The following TMEM132D variants were observed in gnomAD, a reference collection of about 807,000 sequenced individuals.
The protein encoded by TMEM132D is transmembrane protein 132D.
TMEM132D carries 21 observed loss-of-function variants against 62.3 expected under a neutral mutation model. That is an observed-to-expected ratio of 0.34 (90% CI 0.24 to 0.49). TMEM132D has a LOEUF of 0.49. Ranked by LOEUF, TMEM132D falls within the 20% of genes least tolerant of loss-of-function variation. TMEM132D has a pLI of 0.99. For synonymous variants in TMEM132D, 621 were observed against 575.6 expected, an observed-to-expected ratio of 1.08 and a Z score of -1.13; for missense variants, 1,346 against 1,402.8, an observed-to-expected ratio of 0.96 and a Z score of 0.65.
At chr12:129,433,899 ACAGT>A (rs1250165136) in intron 3 of TMEM132D, among the ~76,000 whole-genome samples, 9 of 152,206 alleles carry the variant, frequency 5.9e-5, no homozygotes, top group African/African-American at 9.6e-5. Context: ...AACCAAACTG[ACAGT>A]CAGAGTCTGG....
chr12:129,605,380 T>C (rs1593085350), intron 2 of TMEM132D, among the ~76,000 whole-genome samples: 2 of 151,938 alleles, frequency 1.3e-5, no homozygotes, highest in Admixed American at 6.6e-5. Flanking sequence ...AGAACACCCA[T>C]GCACCCTACT....
At position 129,466,279 on chromosome 12, in the gene TMEM132D, C is replaced by CTGTT. The variant is rs1566078686; in HGVS notation, c.1115+64779_1115+64780insAACA. 7.0e-5 allele frequency among the ~76,000 whole-genome samples: 7 copies of CTGTT among 100,388 alleles called. 1 individual carries two copies. Among genetic ancestry groups the CTGTT allele is most frequent in the African/African-American group, 1.1e-4 (3 of 26,252 alleles). 65.9% of individuals were successfully genotyped at this position (100,388 alleles called of 152,430 possible). A position where few individuals can be genotyped will look rare whatever the true frequency, so the allele number is the denominator to read the frequency against. On this transcript the variant is annotated intron_variant, in intron 3 of 8. Transcript: ENST00000422113. ...TATAACAGTGGCTGGTAGATTTTTC[C>CTGTT]TTTTTTTTTTTTTTTTTTTTTTTTT...
At chr12:129,429,460 C>T (rs1449400047) in intron 3 of TMEM132D, among the ~76,000 whole-genome samples, 1 of 151,964 alleles carries the variant, frequency 6.6e-6, no homozygotes, top group Non-Finnish European at 1.5e-5. Flanking sequence ...AAGAAGAGGC[C>T]CCCCCAGGGA....
At chr12:129,124,655 C>G (rs1876159680) in intron 5 of TMEM132D, among the ~76,000 whole-genome samples, 2 of 152,188 alleles carry the variant, frequency 1.3e-5, no homozygotes, top group African/African-American at 4.8e-5. Flanking sequence ...GTAGTTCACT[C>G]TTCTGTGTTG....
At chr12:129,287,756 T>C (rs1881342174) in intron 4 of TMEM132D, among the ~76,000 whole-genome samples, 1 of 152,142 alleles carries the variant, frequency 6.6e-6, no homozygotes, top group Non-Finnish European at 1.5e-5. Flanking sequence ...AGGTTGATCT[T>C]TTGTGTGTGG....
chr12:129,131,822 T>C, intron 5 of TMEM132D, among the ~76,000 whole-genome samples: 1 of 152,160 alleles, frequency 6.6e-6, no homozygotes, highest in East Asian at 1.9e-4. Context: ...GTCAAATAAT[T>C]AAATTCCCAC....
chr12:129,676,707 C>T (rs771495582), intron 2 of TMEM132D, among the ~76,000 whole-genome samples: 1 of 152,198 alleles, frequency 6.6e-6, no homozygotes, highest in Non-Finnish European at 1.5e-5. Flanking sequence ...TCCCTCTAGG[C>T]CCCACCTCCA....
chr12:129,632,185 C>T (rs1195990613), intron 2 of TMEM132D, among the ~76,000 whole-genome samples: 1 of 152,012 alleles, frequency 6.6e-6, no homozygotes, highest in Non-Finnish European at 1.5e-5. Context: ...TTAGGAAATG[C>T]TTATATGTAA....
At chr12:129,520,207 G>T (rs982988173) in intron 3 of TMEM132D, among the ~76,000 whole-genome samples, 1 of 152,118 alleles carries the variant, frequency 6.6e-6, no homozygotes, top group African/African-American at 2.4e-5. Flanking sequence ...CCAACTGTGC[G>T]TTTAGCTGGA....
At chr12:129,895,614 G>A (rs1875081927) in intron 1 of TMEM132D, among the ~76,000 whole-genome samples, 1 of 152,188 alleles carries the variant, frequency 6.6e-6, no homozygotes, top group African/African-American at 2.4e-5. Flanking sequence ...CGGGCATGCT[G>A]CCTGGTCACC....
intron 3 of TMEM132D, among the ~76,000 whole-genome samples, chr12:129,355,327 T>C (rs778167225): frequency 6.6e-6 from 1 of 151,700 alleles, no homozygotes; most frequent in African/African-American, 2.4e-5. Context: ...CATAGTAGGA[T>C]AGGTCCTTAA....
chr12:129,623,219 C>T (rs1879120383), intron 2 of TMEM132D, among the ~76,000 whole-genome samples: 1 of 152,208 alleles, frequency 6.6e-6, no homozygotes, highest in African/African-American at 2.4e-5. Context: ...ACCTTAACTA[C>T]ACATTTTATT....
At chr12:129,701,696 A>C (rs966233170) in intron 1 of TMEM132D, among the ~76,000 whole-genome samples, 2 of 152,212 alleles carry the variant, frequency 1.3e-5, no homozygotes, top group Admixed American at 1.3e-4. Flanking sequence ...CCAAAGAACC[A>C]ATTTAAGGAG....
intron 1 of TMEM132D, among the ~76,000 whole-genome samples, chr12:129,895,422 C>G (rs527447110): frequency 6.6e-6 from 1 of 152,204 alleles, no homozygotes; most frequent in Non-Finnish European, 1.5e-5. Context: ...GTGACCACAA[C>G]AACCAGGAGG....
chr12:129,205,855 T>C (rs933291049), intron 5 of TMEM132D, among the ~76,000 whole-genome samples: 5 of 151,138 alleles, frequency 3.3e-5, no homozygotes, highest in Admixed American at 2.6e-4. Context: ...CAGAAATAAA[T>C]ACAAAGAAAA....
chr12:129,179,145 G>A (rs1473938606), intron 5 of TMEM132D, among the ~76,000 whole-genome samples: 2 of 152,210 alleles, frequency 1.3e-5, no homozygotes, highest in Admixed American at 6.5e-5. Flanking sequence ...GTACAGAAAC[G>A]GGATGTTCAA....
At chr12:129,895,960 TCTC>T (rs1177307683) in intron 1 of TMEM132D, among the ~76,000 whole-genome samples, 1 of 130,638 alleles carries the variant, frequency 7.7e-6, no homozygotes, top group Non-Finnish European at 1.6e-5. Context: ...TTTCTCTGTC[TCTC>T]TTTTTTTTTT....
intron 2 of TMEM132D, among the ~76,000 whole-genome samples, chr12:129,669,262 G>A (rs960162984): frequency 6.6e-6 from 1 of 152,186 alleles, no homozygotes; most frequent in Non-Finnish European, 1.5e-5. Flanking sequence ...AATGGGGACT[G>A]GAGAGAGAAA....
At chr12:129,739,177 C>T (rs377757548) in intron 1 of TMEM132D, among the ~76,000 whole-genome samples, 3 of 152,184 alleles carry the variant, frequency 2.0e-5, no homozygotes, top group Admixed American at 6.5e-5. Context: ...TTATGGATAT[C>T]GGCTCCCGGG....
Sources: allele counts gnomAD v4.1 joint callset (sites outside exome capture counted in the v4.1 genomes callset), GRCh38; gene constraint gnomAD v4.1.1; transcripts MANE v1.5; gene names NCBI Gene and HGNC (gene_info 2026-07-23, HGNC 2026-07-21).